Variants in CLDN23 observed in about 807,000 individuals in gnomAD.
The protein encoded by CLDN23 is claudin-23.
A neutral mutation model predicts 1.4 loss-of-function variants in CLDN23; 3 were observed. That is an observed-to-expected ratio of 2.10 (90% CI 0.96 to 5.43). The LOEUF is 5.43. Among genes scored for constraint, CLDN23 ranks in the 30% most tolerant of loss-of-function variants. The pLI is 0.02. For missense variants in CLDN23, 597 were observed against 433.5 expected (o/e 1.38, Z -3.35); for synonymous variants, 291 against 209.9 (o/e 1.39, Z -3.34).
In CLDN23 at chr8:8,703,263, G is replaced by A. The variant is rs2117092323; in HGVS notation, c.865G>A (p.Asp289Asn). ...THPCDSSLPC[D>N]SDL ...CCCCTGCGACAGCTCGCTGCCCTGC[G>A]ACTCCGACCTCTAGACGCTTGTAGA... is the stretch of plus-strand genomic sequence containing the variant. Residue 289 changes from aspartate (D) to asparagine (N), a missense_variant, in exon 1 of 1, where the codon GAC becomes AAC. Physicochemically the swap from Asp to Asn is conservative, Grantham distance 23. Transcript: ENST00000519106. The A allele has an allele frequency of 7.1e-7, 1 of 1,405,554 alleles. No individual in the cohort carries two copies. The highest frequency in any genetic ancestry group is 9.3e-7 in the Non-Finnish European group (1 of 1,075,812). 87.1% of individuals were successfully genotyped at this position (1,405,554 alleles called of 1,614,324 possible). A position where few individuals can be genotyped will look rare whatever the true frequency, so the allele number is the denominator to read the frequency against.
Position 8,702,796 on chromosome 8 carries a change from C to A in CLDN23, c.398C>A (p.Ser133Tyr), listed in dbSNP as rs779522444. Reference protein sequence around the residue: ...VAGLLGLIPVSWYNHFLGDRD... With the variant: ...VAGLLGLIPVYWYNHFLGDRD... ...GGCCTCCTCGGCCTCATCCCGGTGT[C>A]CTGGTACAACCACTTCTTGGGGGAC... is the stretch of plus-strand genomic sequence containing the variant. The change falls in exon 1 of 1, where the codon TCC becomes TAC. Residue 133 changes from serine to tyrosine, a missense_variant. Ser to Tyr is a moderately radical substitution (Grantham distance 144, BLOSUM62 -2). Coordinates refer to ENST00000519106, the MANE Select transcript of CLDN23 (RefSeq NM_194284.3). 34 of 1,610,794 alleles carry A rather than the reference C, an allele frequency of 2.1e-5. No individual in the cohort carries two copies. Among genetic ancestry groups the A allele is most frequent in the Non-Finnish European group, 2.8e-5 (33 of 1,179,576 alleles).
chr8:8,703,054 C>T lies in CLDN23; in HGVS notation c.656C>T (p.Pro219Leu), dbSNP rs1802797342. Residue 219 changes from proline to leucine, a missense_variant, in exon 1 of 1, where the codon CCC becomes CTC. Pro to Leu is a moderately conservative substitution (Grantham distance 98). Transcript: ENST00000519106. ...GAGTGGCCCGAGCCCGACCTGGCGC[C>T]CGCCATCAAGTACTACAGCGACGGC... ...QVEWPEPDLA[P>L]AIKYYSDGQH... is the part of the protein sequence containing the mutation. 4.6e-6 allele frequency: 7 copies of T among 1,527,714 alleles called. No individual in the cohort carries two copies. Among genetic ancestry groups the T allele is most frequent in the Non-Finnish European group, 6.1e-6 (7 of 1,142,776 alleles). 94.6% of individuals were successfully genotyped at this position (1,527,714 alleles called of 1,614,324 possible).
In CLDN23 at chr8:8,702,587, C is replaced by T. The variant is rs1241430855; in HGVS notation, c.189C>T (p.Cys63=). Reference sequence around the variant, plus strand: ...AGCAGAGCAGCCGCGAGCGCGAGTGCGGCCAGACGGACCAGTGGGGCTACT... The same window carrying T: ...AGCAGAGCAGCCGCGAGCGCGAGTGTGGCCAGACGGACCAGTGGGGCTACT... ...CREQSSRERE[C]GQTDQWGYFE... Residue 63 remains cysteine, a synonymous_variant, in exon 1 of 1, where the codon TGC becomes TGT. Transcript: ENST00000519106. The T allele has an allele frequency of 1.7e-5, 28 of 1,608,470 alleles. No homozygotes were observed. Among genetic ancestry groups the T allele is most frequent in the Non-Finnish European group, 2.3e-5 (27 of 1,177,502 alleles).
rs1196749627 is a variant in CLDN23, at chr8:8,702,927, C to T, written c.529C>T (p.Leu177=). The T allele has an allele frequency of 6.4e-7, 1 of 1,569,846 alleles. No individual in the cohort carries two copies. Among genetic ancestry groups the T allele is most frequent in the Non-Finnish European group, 8.6e-7 (1 of 1,160,870 alleles). ...SCLLLLGGFS[L]ALSFAPWCDE... ...CCTCCTGCTGCTGGGCGGCTTCTCGCTGGCGCTCAGCTTCGCGCCCTGGTG... is the reference window on the plus strand; with the variant it reads ...CCTCCTGCTGCTGGGCGGCTTCTCGTTGGCGCTCAGCTTCGCGCCCTGGTG... The change falls in exon 1 of 1, where the codon CTG becomes TTG. Residue 177 remains leucine (L), a synonymous_variant. Coordinates refer to ENST00000519106, the MANE Select transcript of CLDN23 (RefSeq NM_194284.3).
rs753130509 is a variant in CLDN23 at position 8,702,563 on chromosome 8, G to C, written c.165G>C (p.Glu55Asp). 1 of 1,611,114 alleles carries C rather than the reference G, an allele frequency of 6.2e-7. No individual in the cohort carries two copies. Among genetic ancestry groups the C allele is most frequent in the South Asian group, 1.1e-5 (1 of 90,872 alleles). ...AGGGCCTGTGGGACATGTGTCGCGAGCAGAGCAGCCGCGAGCGCGAGTGCG... is the reference window on the plus strand; with the variant it reads ...AGGGCCTGTGGGACATGTGTCGCGACCAGAGCAGCCGCGAGCGCGAGTGCG... ...LYQGLWDMCREQSSRERECGQ... is the reference protein window; with the variant it reads ...LYQGLWDMCRDQSSRERECGQ... The change falls in exon 1 of 1, where the codon GAG becomes GAC. Residue 55 changes from glutamate to aspartate, a missense_variant. Coordinates refer to ENST00000519106, the MANE Select transcript of CLDN23 (RefSeq NM_194284.3).
In CLDN23 at chr8:8,703,283, T is replaced by G; in HGVS notation, c.*6T>G. On this transcript the variant is annotated 3_prime_UTR_variant, in exon 1 of 1. Transcript: ENST00000519106. ...CCTGCGACTCCGACCTCTAGACGCT[T>G]GTAGAGCCTGGGGGGCGCCGGGTGG... The G allele has an allele frequency of 7.3e-7, 1 of 1,379,218 alleles. No individual in the cohort carries two copies. The highest frequency in any genetic ancestry group is 9.4e-7 in the Non-Finnish European group (1 of 1,061,556). 85.4% of individuals were successfully genotyped at this position (1,379,218 alleles called of 1,614,324 possible).
At position 8,702,587 on chromosome 8, in the gene CLDN23, CG is replaced by C. The variant is rs767074501; in HGVS notation, c.191del (p.Gly64AlafsTer233). 1.2e-6 allele frequency: 2 copies of C among 1,608,594 alleles called. No homozygotes were observed. The highest frequency in any genetic ancestry group is 1.7e-6 in the Non-Finnish European group (2 of 1,177,498). ...REQSSREREC[G>X]QTDQWGYFEA... ...AGCAGAGCAGCCGCGAGCGCGAGTG[CG>C]GCCAGACGGACCAGTGGGGCTACTT... On this transcript the variant is annotated frameshift_variant, in exon 1 of 1. Coordinates refer to ENST00000519106, the MANE Select transcript of CLDN23 (RefSeq NM_194284.3). LOFTEE classifies it low-confidence loss of function (END_TRUNC).
rs73192453 is a variant in CLDN23 at position 8,703,398 on chromosome 8, C to T, written c.*121C>T. 3 of 1,025,210 alleles carry T rather than the reference C, an allele frequency of 2.9e-6. No homozygotes were observed. Among genetic ancestry groups the T allele is most frequent in the Middle Eastern group, 2.7e-4 (1 of 3,698 alleles). 63.5% of individuals were successfully genotyped at this position (1,025,210 alleles called of 1,614,324 possible). A position where few individuals can be genotyped will look rare whatever the true frequency, so the allele number is the denominator to read the frequency against. ...CTGGTGTGGATGGAAATCTGCCTTTCGTGGGACCAAACAGGACTCCTTGGA... is the reference window on the plus strand; with the variant it reads ...CTGGTGTGGATGGAAATCTGCCTTTTGTGGGACCAAACAGGACTCCTTGGA... On this transcript the variant is annotated 3_prime_UTR_variant, in exon 1 of 1. Coordinates refer to ENST00000519106, the MANE Select transcript of CLDN23 (RefSeq NM_194284.3).
Position 8,703,350 on chromosome 8 carries a change from G to T in CLDN23, c.*73G>T, listed in dbSNP as rs1044870875. 41 of 1,286,464 alleles carry T rather than the reference G, an allele frequency of 3.2e-5. No individual in the cohort carries two copies. The South Asian group carries it at 3.3e-4, about 10-fold the overall frequency. The allele number at this position is 1,286,464 out of a possible 1,614,324, so 79.7% of individuals were successfully genotyped here. A position where few individuals can be genotyped will look rare whatever the true frequency, so the allele number is the denominator to read the frequency against. ...GCACAGGCCCGCCTGGCTTCGAGTT[G>T]GAACCCGGACACTTGCCCCTCACTG... is the stretch of plus-strand genomic sequence containing the variant. On this transcript the variant is annotated 3_prime_UTR_variant, in exon 1 of 1. Transcript: ENST00000519106.
rs753130509 is a variant in CLDN23, at chr8:8,702,563, G to A, written c.165G>A (p.Glu55=). The change falls in exon 1 of 1, where the codon GAG becomes GAA. Residue 55 remains glutamate (E), a synonymous_variant. Transcript: ENST00000519106. ...LYQGLWDMCR[E]QSSRERECGQ... Reference sequence around the variant, plus strand: ...AGGGCCTGTGGGACATGTGTCGCGAGCAGAGCAGCCGCGAGCGCGAGTGCG... The same window carrying A: ...AGGGCCTGTGGGACATGTGTCGCGAACAGAGCAGCCGCGAGCGCGAGTGCG... 6.8e-6 allele frequency: 11 copies of A among 1,610,996 alleles called. No homozygotes were observed. Among genetic ancestry groups the A allele is most frequent in the Middle Eastern group, 1.7e-4 (1 of 6,046 alleles).
chr8:8,703,302 C>T lies in CLDN23; in HGVS notation c.*25C>T, dbSNP rs374765263. 4.2e-5 allele frequency: 57 copies of T among 1,360,894 alleles called. No individual in the cohort carries two copies. The highest frequency in any genetic ancestry group is 7.8e-5 in the South Asian group (4 of 51,000). 84.3% of individuals were successfully genotyped at this position (1,360,894 alleles called of 1,614,324 possible). ...GACGCTTGTAGAGCCTGGGGGGCGC[C>T]GGGTGGCAAAGGACTCACCCCCGCA... On this transcript the variant is annotated 3_prime_UTR_variant, in exon 1 of 1. Coordinates refer to ENST00000519106, the MANE Select transcript of CLDN23 (RefSeq NM_194284.3).
In CLDN23 at chr8:8,702,376, C is replaced by T. The variant is rs767564496; in HGVS notation, c.-23C>T. On this transcript the variant is annotated 5_prime_UTR_variant, in exon 1 of 1. Coordinates refer to ENST00000519106, the MANE Select transcript of CLDN23 (RefSeq NM_194284.3). ...GGAGAAGGAAGGCAGGCTGCAGGGG[C>T]GCCGTCGGCGCGGCGGGCCGGGATG... 7 of 1,482,944 alleles carry T rather than the reference C, an allele frequency of 4.7e-6. No homozygotes were observed. The African/African-American group carries it at 8.8e-5, about 19-fold the overall frequency. 91.9% of individuals were successfully genotyped at this position (1,482,944 alleles called of 1,614,324 possible).
rs768771971 is a variant in CLDN23, at chr8:8,702,404, G to A, written c.6G>A (p.Arg2=). 4.0e-6 allele frequency: 6 copies of A among 1,482,406 alleles called. No individual in the cohort carries two copies. The Admixed American group carries it at 1.2e-4, about 29-fold the overall frequency. 91.8% of individuals were successfully genotyped at this position (1,482,406 alleles called of 1,614,324 possible). A position where few individuals can be genotyped will look rare whatever the true frequency, so the allele number is the denominator to read the frequency against. M[R]TPVVMTLGMV... is the part of the protein sequence containing the mutation. ...CGTCGGCGCGGCGGGCCGGGATGCGGACGCCGGTGGTGATGACGCTGGGCA... is the reference window on the plus strand; with the variant it reads ...CGTCGGCGCGGCGGGCCGGGATGCGAACGCCGGTGGTGATGACGCTGGGCA... The change falls in exon 1 of 1, where the codon CGG becomes CGA. Residue 2 remains arginine (R), a synonymous_variant. Transcript: ENST00000519106.
chr8:8,703,298 G>C lies in CLDN23; in HGVS notation c.*21G>C. On this transcript the variant is annotated 3_prime_UTR_variant, in exon 1 of 1. Coordinates refer to ENST00000519106, the MANE Select transcript of CLDN23 (RefSeq NM_194284.3). ...TCTAGACGCTTGTAGAGCCTGGGGG[G>C]CGCCGGGTGGCAAAGGACTCACCCC... The C allele has an allele frequency of 1.5e-6, 2 of 1,363,392 alleles. No individual in the cohort carries two copies. The highest frequency in any genetic ancestry group is 1.9e-6 in the Non-Finnish European group (2 of 1,052,908). The allele number at this position is 1,363,392 out of a possible 1,614,324, so 84.5% of individuals were successfully genotyped here. A position where few individuals can be genotyped will look rare whatever the true frequency, so the allele number is the denominator to read the frequency against.
chr8:8,702,394 C>T lies in CLDN23; in HGVS notation c.-5C>T. On this transcript the variant is annotated 5_prime_UTR_variant, in exon 1 of 1. Coordinates refer to ENST00000519106, the MANE Select transcript of CLDN23 (RefSeq NM_194284.3). Reference sequence around the variant, plus strand: ...GCAGGGGCGCCGTCGGCGCGGCGGGCCGGGATGCGGACGCCGGTGGTGATG... The same window carrying T: ...GCAGGGGCGCCGTCGGCGCGGCGGGTCGGGATGCGGACGCCGGTGGTGATG... The T allele has an allele frequency of 1.4e-6, 2 of 1,476,774 alleles. No individual in the cohort carries two copies. The highest frequency in any genetic ancestry group is 1.8e-6 in the Non-Finnish European group (2 of 1,117,308). The allele number at this position is 1,476,774 out of a possible 1,614,324, so 91.5% of individuals were successfully genotyped here. A position where few individuals can be genotyped will look rare whatever the true frequency, so the allele number is the denominator to read the frequency against.
Position 8,702,481 on chromosome 8 carries a change from C to A in CLDN23, c.83C>A (p.Pro28His). 1 of 1,608,454 alleles carries A rather than the reference C, an allele frequency of 6.2e-7. No homozygotes were observed. Among genetic ancestry groups the A allele is most frequent in the Non-Finnish European group, 8.5e-7 (1 of 1,178,288 alleles). ...CTCAACCTGACCGGCACCCTGGCGC[C>A]CGGCTGGCGGCTGGTGAAGGGCTTC... Reference protein sequence around the residue: ...LLLNLTGTLAPGWRLVKGFLN... With the variant: ...LLLNLTGTLAHGWRLVKGFLN... Residue 28 changes from proline (P) to histidine (H), a missense_variant, in exon 1 of 1, where the codon CCC becomes CAC. Pro to His is a moderately conservative substitution (Grantham distance 77, BLOSUM62 -2). Coordinates refer to ENST00000519106, the MANE Select transcript of CLDN23 (RefSeq NM_194284.3).
In CLDN23 at chr8:8,702,624, C is replaced by G; in HGVS notation, c.226C>G (p.Pro76Ala). ...TDQWGYFEAQPVLVARALMVT... is the reference protein window; with the variant it reads ...TDQWGYFEAQAVLVARALMVT... ...CCAGTGGGGCTACTTCGAGGCCCAG[C>G]CCGTGCTGGTGGCGCGGGCACTCAT... The change falls in exon 1 of 1, where the codon CCC becomes GCC. Residue 76 changes from proline to alanine, a missense_variant. By Grantham distance (27) the Pro-to-Ala change is conservative. Transcript: ENST00000519106. The G allele has an allele frequency of 6.2e-7, 1 of 1,604,420 alleles. No individual in the cohort carries two copies. The highest frequency in any genetic ancestry group is 1.3e-5 in the African/African-American group (1 of 74,852).
At position 8,702,422 on chromosome 8, in the gene CLDN23, G is replaced by C. The variant is rs1802752058; in HGVS notation, c.24G>C (p.Thr8=). ...GGATGCGGACGCCGGTGGTGATGAC[G>C]CTGGGCATGGTGTTGGCGCCCTGCG... is the stretch of plus-strand genomic sequence containing the variant. MRTPVVM[T]LGMVLAPCGL... is the part of the protein sequence containing the mutation. Residue 8 remains threonine (T), a synonymous_variant, in exon 1 of 1, where the codon ACG becomes ACC. Coordinates refer to ENST00000519106, the MANE Select transcript of CLDN23 (RefSeq NM_194284.3). 6.5e-7 allele frequency: 1 copy of C among 1,533,410 alleles called. No homozygotes were observed. The highest frequency in any genetic ancestry group is 8.8e-7 in the Non-Finnish European group (1 of 1,142,284). The allele number at this position is 1,533,410 out of a possible 1,614,324, so 95.0% of individuals were successfully genotyped here.
Position 8,703,155 on chromosome 8 carries a change from C to A in CLDN23, c.757C>A (p.Arg253=). Residue 253 remains arginine, a synonymous_variant, in exon 1 of 1, where the codon CGG becomes AGG. Coordinates refer to ENST00000519106, the MANE Select transcript of CLDN23 (RefSeq NM_194284.3). ...GGTCGGCTTCCCCATGCCGCGGCCG[C>A]GGCCCAAGGCCTACACCAACTCGGT... The part of the protein sequence containing the change: ...PKVGFPMPRP[R]PKAYTNSVDV... The A allele has an allele frequency of 6.5e-7, 1 of 1,535,034 alleles. No homozygotes were observed. The highest frequency in any genetic ancestry group is 8.7e-7 in the Non-Finnish European group (1 of 1,148,338).
Sources: allele counts gnomAD v4.1 joint callset, GRCh38; gene constraint gnomAD v4.1.1; transcripts MANE v1.5; gene names NCBI Gene and HGNC (gene_info 2026-07-23, HGNC 2026-07-21).